The following PTGFRN variants were observed in gnomAD, a reference collection of about 807,000 sequenced individuals.
The protein encoded by PTGFRN is prostaglandin F2 receptor inhibitor.
In PTGFRN, 35 loss-of-function variants were observed where a neutral mutation model predicts 83.2. That is an observed-to-expected ratio of 0.42 (90% CI 0.32 to 0.56). The LOEUF (loss-of-function observed/expected upper bound fraction) is 0.56, where lower values mean the gene tolerates loss of function less well. PTGFRN is among the 20% of genes least tolerant of loss of function. PTGFRN has a pLI of 0.11. For synonymous variants in PTGFRN, 519 were observed against 498.6 expected, an observed-to-expected ratio of 1.04 and a Z score of -0.55; for missense variants, 1,051 against 1,179.5, an observed-to-expected ratio of 0.89 and a Z score of 1.60.
intron 4 of PTGFRN, among the ~76,000 whole-genome samples, chr1:116,957,366 C>T (rs1329265240): frequency 6.6e-6 from 1 of 151,678 alleles, no homozygotes; most frequent in Non-Finnish European, 1.5e-5. Context: ...TGTGAGCAGG[C>T]CAGGGAGTGG....
Position 116,961,113 on chromosome 1 carries a change from G to C in PTGFRN, c.1214-130G>C. 1 of 1,026,894 alleles carries C rather than the reference G, an allele frequency of 9.7e-7. No individual in the cohort carries two copies. 63.6% of individuals were successfully genotyped at this position (1,026,894 alleles called of 1,614,324 possible). On this transcript the variant is annotated intron_variant, in intron 4 of 8. Transcript: ENST00000393203. This position sits in a 1 kb window ranked among gnomAD's most constrained non-coding sequence, Gnocchi z 5.4. ...CTATCCAATGCAACGACTGATTTCT[G>C]TCTCTCTAGTCCGGCAGGAGAAGCA... is the stretch of plus-strand genomic sequence containing the variant.
intron 1 of PTGFRN, among the ~76,000 whole-genome samples, chr1:116,925,585 G>A (rs1022041450): frequency 6.6e-6 from 1 of 152,182 alleles, no homozygotes; most frequent in African/African-American, 2.4e-5. Flanking sequence ...TAAAGAGCCT[G>A]TGTGTCACCT....
chr1:116,917,593 A>G (rs1400427295), intron 1 of PTGFRN, among the ~76,000 whole-genome samples: 1 of 152,110 alleles, frequency 6.6e-6, no homozygotes, highest in Non-Finnish European at 1.5e-5. Flanking sequence ...GCTTCCCCAG[A>G]CATGCTAGTT....
intron 4 of PTGFRN, among the ~76,000 whole-genome samples, chr1:116,957,103 AACT>A (rs1650520711): frequency 1.9e-5 from 1 of 52,008 alleles, no homozygotes; most frequent in Non-Finnish European, 4.4e-5. Flanking sequence ...ACAAGGTTTT[AACT>A]CTCTCTCTCT....
At chr1:116,945,625 A>G (rs563787958) in intron 3 of PTGFRN, among the ~76,000 whole-genome samples, 33 of 152,004 alleles carry the variant, frequency 2.2e-4, no homozygotes, top group Non-Finnish European at 3.2e-4. Context: ...TTTTCCTGGA[A>G]GGGGGAGGAG....
intron 4 of PTGFRN, among the ~76,000 whole-genome samples, chr1:116,951,997 C>G (rs1336394423): frequency 1.3e-5 from 2 of 152,174 alleles, no homozygotes; most frequent in African/African-American, 4.8e-5. Flanking sequence ...GGTCATGTAA[C>G]TCTGGAATGT....
chr1:116,916,462 A>G (rs1276732608), intron 1 of PTGFRN, among the ~76,000 whole-genome samples: 2 of 152,168 alleles, frequency 1.3e-5, no homozygotes, highest in Admixed American at 6.5e-5. Context: ...TATTCTGATA[A>G]TGGCTCTTCC....
chr1:116,963,286 C>A (rs1010261687), intron 5 of PTGFRN, among the ~76,000 whole-genome samples: 4 of 152,222 alleles, frequency 2.6e-5, no homozygotes, highest in South Asian at 2.1e-4. Flanking sequence ...TTACTGCATA[C>A]CACCTTCTGT....
At chr1:116,910,491 C>G (rs1372681663) in intron 1 of PTGFRN, among the ~76,000 whole-genome samples, 1 of 151,708 alleles carries the variant, frequency 6.6e-6, no homozygotes, top group Non-Finnish European at 1.5e-5. Flanking sequence ...CTCCGCCAGG[C>G]CGAGCCTCGC....
intron 1 of PTGFRN, among the ~76,000 whole-genome samples, chr1:116,940,102 G>GA (rs1409341758): frequency 1.3e-5 from 2 of 152,122 alleles, no homozygotes; most frequent in Admixed American, 6.5e-5. Context: ...TTAAACCAGT[G>GA]AAAAAAGAGT....
At position 116,977,186 on chromosome 1, in the gene PTGFRN, A is replaced by G. The variant is rs543989807; in HGVS notation, c.2167+2863A>G. Reference sequence around the variant, plus strand: ...AAGAAGAACTAACTATCCTAAATATATATGCACCCAATACAGGAGCACCTA... The same window carrying G: ...AAGAAGAACTAACTATCCTAAATATGTATGCACCCAATACAGGAGCACCTA... On this transcript the variant is annotated intron_variant, in intron 7 of 8. Transcript: ENST00000393203. Among the ~76,000 whole-genome samples, 12 of 152,306 alleles carry G rather than the reference A, an allele frequency of 7.9e-5. No homozygotes were observed. The East Asian group carries it at 2.3e-3, about 29-fold the overall frequency.
At chr1:116,980,868 T>C (rs1435682601) in intron 7 of PTGFRN, among the ~76,000 whole-genome samples, 1 of 151,924 alleles carries the variant, frequency 6.6e-6, no homozygotes, top group Non-Finnish European at 1.5e-5. Context: ...AATAAAAATA[T>C]GCCCAAAGTC....
rs1051929321 is a variant in PTGFRN, at chr1:116,941,592, C to A, written c.50-123C>A. The A allele has an allele frequency of 4.6e-6, 6 of 1,316,010 alleles. No homozygotes were observed. The highest frequency in any genetic ancestry group is 6.2e-6 in the Non-Finnish European group (6 of 966,098). The allele number at this position is 1,316,010 out of a possible 1,614,324, so 81.5% of individuals were successfully genotyped here. ...AACCTTCTGCATAGATACATTTTCC[C>A]TAGTAGTTTGGCTGTCACGTTTCTG... On this transcript the variant is annotated intron_variant, in intron 1 of 8. Coordinates refer to ENST00000393203, the MANE Select transcript of PTGFRN (RefSeq NM_020440.4). The surrounding 1 kb of genome is among the most constrained non-coding windows in gnomAD (Gnocchi z 5.0).
At chr1:116,962,130 C>T (rs1009668846) in intron 5 of PTGFRN, among the ~76,000 whole-genome samples, 2 of 152,144 alleles carry the variant, frequency 1.3e-5, no homozygotes, top group Admixed American at 1.3e-4. Flanking sequence ...AGGTCGTTTT[C>T]GCTCACTCCT....
intron 1 of PTGFRN, among the ~76,000 whole-genome samples, chr1:116,935,167 A>C (rs1377652840): frequency 6.6e-6 from 1 of 152,168 alleles, no homozygotes. Flanking sequence ...GTAGTATGTC[A>C]AGCTCACTTC....
At chr1:116,967,994 G>A (rs1012253368) in intron 6 of PTGFRN, among the ~76,000 whole-genome samples, 4 of 152,214 alleles carry the variant, frequency 2.6e-5, no homozygotes, top group African/African-American at 9.6e-5. Flanking sequence ...ACATAGTGGA[G>A]TATAAAGAAA....
chr1:116,944,965 C>T lies in PTGFRN; in HGVS notation c.705C>T (p.Ser235=). 1 of 1,613,698 alleles carries T rather than the reference C, an allele frequency of 6.2e-7. No individual in the cohort carries two copies. Among genetic ancestry groups the T allele is most frequent in the Non-Finnish European group, 8.5e-7 (1 of 1,180,026 alleles). The change falls in exon 3 of 9, where the codon TCC becomes TCT. Residue 235 remains serine (S), a synonymous_variant. Coordinates refer to ENST00000393203, the MANE Select transcript of PTGFRN (RefSeq NM_020440.4). ...GCGACGCCTACCGCCTCTCAGTGTC[C>T]CGGGCTCTGTCTGCCGACCAGGGCT... ...VGSDAYRLSV[S]RALSADQGSY... is the part of the protein sequence containing the mutation.
chr1:116,947,053 T>C (rs1190433243), intron 3 of PTGFRN, among the ~76,000 whole-genome samples: 1 of 152,186 alleles, frequency 6.6e-6, no homozygotes, highest in Admixed American at 6.5e-5. Context: ...TTAATAAAAA[T>C]AAAGATGGAG....
At chr1:116,944,435 C>T (rs1305878167) in intron 2 of PTGFRN, among the ~76,000 whole-genome samples, 3 of 152,196 alleles carry the variant, frequency 2.0e-5, no homozygotes, top group Non-Finnish European at 4.4e-5. Context: ...CCCCAAGGCA[C>T]GACTCCCACA....
Sources: gnomAD v4.1 joint callset for allele counts (sites outside exome capture counted in the v4.1 genomes callset) on GRCh38, gnomAD v4.1.1 for gene constraint, Gnocchi (gnomAD v3.1) non-coding constraint, MANE v1.5 for transcripts, NCBI Gene and HGNC (gene_info 2026-07-23, HGNC 2026-07-21) for gene names.